Variants in SHROOM3 observed in about 807,000 individuals in gnomAD.
SHROOM3 encodes the protein shroom family member 3.
A neutral mutation model predicts 138.6 loss-of-function variants in SHROOM3; 47 were observed. The ratio of observed to expected loss-of-function variants is 0.34; its 90% CI spans 0.27 to 0.43. SHROOM3 has a LOEUF of 0.43. SHROOM3 is among the 20% of genes least tolerant of loss of function. SHROOM3 has a pLI of 1.00. For missense variants in SHROOM3, 2,491 were observed against 2,596.5 expected, an observed-to-expected ratio of 0.96 and a Z score of 0.88; for synonymous variants, 1,062 against 1,063.3, an observed-to-expected ratio of 1.00 and a Z score of 0.02.
chr4:76,674,909 C>G (rs7672611), intron 2 of SHROOM3, among the ~76,000 whole-genome samples: 5 of 151,656 alleles, frequency 3.3e-5, no homozygotes, highest in African/African-American at 1.2e-4. Context: ...CCTCCCCATT[C>G]CCCCCACTCT....
In SHROOM3 at chr4:76,618,312, GTAAT is replaced by G. The variant is rs1321959152; in HGVS notation, c.323+62554_323+62557del. The stretch of plus-strand genomic sequence containing the variant: ...AGAGGGAGACTGTCTCTAAAAAAAA[GTAAT>G]TAATGTTGTTAAAACCACAACTCTT... On this transcript the variant is annotated intron_variant, in intron 2 of 10. Transcript: ENST00000296043. 5.3e-5 allele frequency among the ~76,000 whole-genome samples: 8 copies of G among 152,070 alleles called. No homozygotes were observed. In the East Asian group the frequency reaches 9.6e-4, roughly 18 times the overall value.
chr4:76,727,628 G>A lies in SHROOM3; in HGVS notation c.456-3176G>A, dbSNP rs1180156199. 2.6e-5 allele frequency among the ~76,000 whole-genome samples: 4 copies of A among 152,164 alleles called. No individual in the cohort carries two copies. In the East Asian group the frequency reaches 5.8e-4, roughly 22 times the overall value. On this transcript the variant is annotated intron_variant, in intron 3 of 10. Transcript: ENST00000296043. Reference sequence around the variant, plus strand: ...GATTCGGCCGGGCACGGTGGCTCACGCCTGTAATTCCAGCACCTTGGGAGG... The same window carrying A: ...GATTCGGCCGGGCACGGTGGCTCACACCTGTAATTCCAGCACCTTGGGAGG...
chr4:76,607,782 GA>G (rs1734652711), intron 2 of SHROOM3, among the ~76,000 whole-genome samples: 1 of 152,112 alleles, frequency 6.6e-6, no homozygotes, highest in African/African-American at 2.4e-5. Context: ...ATGAAACCAT[GA>G]ATTGTTTTTA....
intron 2 of SHROOM3, among the ~76,000 whole-genome samples, chr4:76,648,155 C>G (rs1399196370): frequency 6.6e-6 from 1 of 151,696 alleles, no homozygotes; most frequent in Non-Finnish European, 1.5e-5. Context: ...TAGTGAGACC[C>G]TGTCTCTGCA....
At chr4:76,598,641 C>T (rs952350211) in intron 2 of SHROOM3, among the ~76,000 whole-genome samples, 7 of 152,112 alleles carry the variant, frequency 4.6e-5, no homozygotes, top group African/African-American at 1.2e-4. Context: ...GCCCGTGCTT[C>T]GCCCCCTGGT....
rs997684212 is a variant in SHROOM3, at chr4:76,779,319, G to A, written c.*142G>A. 6.8e-6 allele frequency: 8 copies of A among 1,170,030 alleles called. No homozygotes were observed. Among genetic ancestry groups the A allele is most frequent in the African/African-American group, 1.6e-5 (1 of 64,502 alleles). 72.5% of individuals were successfully genotyped at this position (1,170,030 alleles called of 1,614,324 possible). On this transcript the variant is annotated 3_prime_UTR_variant, in exon 11 of 11. Transcript: ENST00000296043. Reference sequence around the variant, plus strand: ...ATGAAAGGAAAAAAATTCTCTCCAGGAGGAAGCCTTTTTCCTTCTTGCCCT... The same window carrying A: ...ATGAAAGGAAAAAAATTCTCTCCAGAAGGAAGCCTTTTTCCTTCTTGCCCT...
intron 2 of SHROOM3, among the ~76,000 whole-genome samples, chr4:76,672,804 C>T (rs574551575): frequency 6.6e-6 from 1 of 152,254 alleles, no homozygotes; most frequent in East Asian, 1.9e-4. Context: ...ATCTCCTGAC[C>T]TCGTGATCCG....
chr4:76,487,122 C>T (rs968607258), intron 1 of SHROOM3, among the ~76,000 whole-genome samples: 1 of 152,186 alleles, frequency 6.6e-6, no homozygotes, highest in African/African-American at 2.4e-5. Flanking sequence ...TCCTGGCAAC[C>T]ACTTATCTAC....
chr4:76,502,451 T>C (rs1289520511), intron 1 of SHROOM3, among the ~76,000 whole-genome samples: 3 of 152,118 alleles, frequency 2.0e-5, no homozygotes, highest in Admixed American at 6.6e-5. Flanking sequence ...GGGGGCAGTC[T>C]TGTGGGACTG....
rs138692521 is a variant in SHROOM3 at position 76,500,541 on chromosome 4, C to T, written c.169-55068C>T. On this transcript the variant is annotated intron_variant, in intron 1 of 10. Transcript: ENST00000296043. ...TAGTGGATACTACCAAATAGTTTCC[C>T]AAAGTGGTTATACCATTTTTTTTCC... Among the ~76,000 whole-genome samples, 232 of 152,220 alleles carry T rather than the reference C, an allele frequency of 1.5e-3. 2 individuals are homozygous for T. Among genetic ancestry groups the T allele is most frequent in the African/African-American group, 5.2e-3 (215 of 41,536 alleles).
In SHROOM3 at chr4:76,444,696, A is replaced by G. The variant is rs1452520318; in HGVS notation, c.168+8476A>G. Among the ~76,000 whole-genome samples, 4 of 151,054 alleles carry G rather than the reference A, an allele frequency of 2.6e-5. No individual in the cohort carries two copies. In the East Asian group the frequency reaches 8.0e-4, roughly 30 times the overall value. ...TTTTTAGTAGAGATGGGGTTTCACC[A>G]TATTGGTCAGGCTGGTCTTGAACTC... On this transcript the variant is annotated intron_variant, in intron 1 of 10. Transcript: ENST00000296043.
intron 1 of SHROOM3, among the ~76,000 whole-genome samples, chr4:76,505,115 G>A (rs1732183989): frequency 6.6e-6 from 1 of 152,062 alleles, no homozygotes; most frequent in African/African-American, 2.4e-5. Context: ...TTCATTTTAA[G>A]GATTACTTTG....
chr4:76,602,120 G>A (rs921844806), intron 2 of SHROOM3, among the ~76,000 whole-genome samples: 21 of 152,186 alleles, frequency 1.4e-4, no homozygotes, highest in Non-Finnish European at 2.4e-4. Flanking sequence ...CAAGTGTGAA[G>A]CCATCCAGGA....
intron 2 of SHROOM3, among the ~76,000 whole-genome samples, chr4:76,607,738 T>A (rs899576982): frequency 6.6e-6 from 1 of 152,070 alleles, no homozygotes; most frequent in African/African-American, 2.4e-5. Context: ...TAAATAGCCA[T>A]CTTTACATCA....
At chr4:76,694,637 C>G (rs1297377490) in intron 2 of SHROOM3, among the ~76,000 whole-genome samples, 1 of 152,166 alleles carries the variant, frequency 6.6e-6, no homozygotes, top group Non-Finnish European at 1.5e-5. Context: ...CTTTAAGCAG[C>G]TGTTTCCTCA....
intron 2 of SHROOM3, among the ~76,000 whole-genome samples, chr4:76,668,842 A>G (rs1718798156): frequency 6.6e-6 from 1 of 152,208 alleles, no homozygotes; most frequent in African/African-American, 2.4e-5. Context: ...TTCTTTTCAG[A>G]CCAACATGAC....
At chr4:76,676,841 G>A (rs1719046132) in intron 2 of SHROOM3, among the ~76,000 whole-genome samples, 1 of 151,638 alleles carries the variant, frequency 6.6e-6, no homozygotes, top group African/African-American at 2.4e-5. Flanking sequence ...TACTCGGGAG[G>A]CTGAGGCAGG....
rs376118894 is a variant in SHROOM3, at chr4:76,502,719, TATC to T, written c.169-52887_169-52885del. 2.9e-3 allele frequency among the ~76,000 whole-genome samples: 440 copies of T among 152,348 alleles called. 1 individual carries two copies. Among genetic ancestry groups the T allele is most frequent in the African/African-American group, 0.01 (419 of 41,578 alleles). On this transcript the variant is annotated intron_variant, in intron 1 of 10. Transcript: ENST00000296043. The stretch of plus-strand genomic sequence containing the variant: ...TAAAAAGGCATGTTTGCTGCTACAA[TATC>T]ATAAGAATGTTTTCCTGTGCTTTAT...
intron 2 of SHROOM3, among the ~76,000 whole-genome samples, chr4:76,577,690 A>G (rs374196133): frequency 2.5e-4 from 38 of 152,352 alleles, no homozygotes; most frequent in African/African-American, 7.7e-4. Context: ...CAAGTCCCCT[A>G]TAACTCCTTC....
Sources: gnomAD v4.1 joint callset for allele counts (sites outside exome capture counted in the v4.1 genomes callset) on GRCh38, gnomAD v4.1.1 for gene constraint, MANE v1.5 for transcripts, NCBI Gene and HGNC (gene_info 2026-07-23, HGNC 2026-07-21) for gene names.